The following OR6F1 variants were observed in gnomAD, a reference collection of about 807,000 sequenced individuals.
OR6F1 encodes olfactory receptor family 6 subfamily F member 1, also known as olfactory receptor 6F1.
For missense variants in OR6F1, 346 were observed against 376.0 expected, an observed-to-expected ratio of 0.92 and a Z score of 0.66; for synonymous variants, 144 against 150.0, an observed-to-expected ratio of 0.96 and a Z score of 0.29.
rs1660029399 is a variant in OR6F1 at position 247,712,598 on chromosome 1, T to C, written c.158A>G (p.His53Arg). 1 of 1,614,022 alleles carries C rather than the reference T, an allele frequency of 6.2e-7. No homozygotes were observed. The highest frequency in any genetic ancestry group is 8.5e-7 in the Non-Finnish European group (1 of 1,179,948). The change falls in exon 3 of 3, where the codon CAT (histidine) becomes CGT (arginine). Residue 53 changes from histidine to arginine, a missense_variant. Transcript: ENST00000641470. The stretch of plus-strand genomic sequence containing the variant: ...GAAGTACATGGGGGTATGCAACTGA[T>C]GGGAGGTGCTCACCAACATCAAGAT... ...VAILMLVSTS[H>R]QLHTPMYFFL...
Position 247,711,866 on chromosome 1 carries a change from A to G in OR6F1, c.890T>C (p.Val297Ala). 6.2e-7 allele frequency: 1 copy of G among 1,613,436 alleles called. No individual in the cohort carries two copies. Among genetic ancestry groups the G allele is most frequent in the Non-Finnish European group, 8.5e-7 (1 of 1,179,456 alleles). Reference protein sequence around the residue: ...PFIYTLRNKEVRETLLKKWKG... With the variant: ...PFIYTLRNKEARETLLKKWKG... Reference sequence around the variant, plus strand: ...CCATTTCTTCAGCAGAGTCTCTCTTACTTCCTTATTACGAAGCGTATAGAT... The same window carrying G: ...CCATTTCTTCAGCAGAGTCTCTCTTGCTTCCTTATTACGAAGCGTATAGAT... Residue 297 changes from valine (V) to alanine (A), a missense_variant, in exon 3 of 3, where the codon GTA becomes GCA. Coordinates refer to ENST00000641470, the MANE Select transcript of OR6F1 (RefSeq NM_001005286.2).
intron 2 of OR6F1, 69 bp from the exon 3 acceptor site, chr1:247,712,886 T>A (rs1182664643): frequency 1.7e-6 from 1 of 580,226 alleles, no homozygotes; most frequent in African/African-American, 1.9e-5. Context: ...GGAGATATGA[T>A]GTAACTTTCA....
chr1:247,712,246 G>C lies in OR6F1; in HGVS notation c.510C>G (p.Gly170=), dbSNP rs369946329. 6.2e-7 allele frequency: 1 copy of C among 1,614,198 alleles called. No homozygotes were observed. The highest frequency in any genetic ancestry group is 8.5e-7 in the Non-Finnish European group (1 of 1,180,024). ...TALISGLSFC[G]PRAINHFFCD... ...AGAAGAAGTGGTTGATGGCACGGGG[G>C]CCACAGAAGGACAGGCCACTGATGA... The change falls in exon 3 of 3, where the codon GGC becomes GGG. Residue 170 remains glycine, a synonymous_variant. Transcript: ENST00000641470.
rs964637341 is a variant in OR6F1 at position 247,712,332 on chromosome 1, C to T, written c.424G>A (p.Ala142Thr). 1 of 1,614,014 alleles carries T rather than the reference C, an allele frequency of 6.2e-7. No individual in the cohort carries two copies. Among genetic ancestry groups the T allele is most frequent in the Non-Finnish European group, 8.5e-7 (1 of 1,179,956 alleles). The change falls in exon 3 of 3, where the codon GCG becomes ACG. Residue 142 changes from alanine to threonine, a missense_variant. By Grantham distance (58) the Ala-to-Thr change is moderately conservative (BLOSUM62 0). Coordinates refer to ENST00000641470, the MANE Select transcript of OR6F1 (RefSeq NM_001005286.2). ...ACCCAGGAGCCCAGGGCCAGCTGCG[C>T]TGAGAGCAGGCTACTCATGATGGCT... ...YGAIMSSLLS[A>T]QLALGSWVCG...
In OR6F1 at chr1:247,712,072, G is replaced by A; in HGVS notation, c.684C>T (p.Ile228=). The change falls in exon 3 of 3, where the codon ATC becomes ATT. Residue 228 remains isoleucine (I), a synonymous_variant. Coordinates refer to ENST00000641470, the MANE Select transcript of OR6F1 (RefSeq NM_001005286.2). ...CTTTGCTCCGGCCACTGGCAGAGGGGATCCTGAGGATGGTGCTGATGATGT... is the reference window on the plus strand; with the variant it reads ...CTTTGCTCCGGCCACTGGCAGAGGGAATCCTGAGGATGGTGCTGATGATGT... ...YVYIISTILR[I]PSASGRSKAF... 6.2e-7 allele frequency: 1 copy of A among 1,614,196 alleles called. No individual in the cohort carries two copies. The highest frequency in any genetic ancestry group is 1.6e-4 in the Middle Eastern group (1 of 6,062).
rs776848829 is a variant in OR6F1, at chr1:247,712,312, G to C, written c.444C>G (p.Ser148=). 18 of 1,614,066 alleles carry C rather than the reference G, an allele frequency of 1.1e-5. No homozygotes were observed. Among genetic ancestry groups the C allele is most frequent in the Non-Finnish European group, 1.4e-5 (16 of 1,180,002 alleles). ...CAATGGCCACGAAACCACACACCCA[G>C]GAGCCCAGGGCCAGCTGCGCTGAGA... ...SLLSAQLALG[S]WVCGFVAIAV... Residue 148 remains serine (S), a synonymous_variant, in exon 3 of 3, where the codon TCC becomes TCG. Coordinates refer to ENST00000641470, the MANE Select transcript of OR6F1 (RefSeq NM_001005286.2).
chr1:247,716,463 T>G lies in OR6F1; in HGVS notation c.-259A>C, dbSNP rs1219240753. On this transcript the variant is annotated 5_prime_UTR_variant, in exon 1 of 3. Coordinates refer to ENST00000641470, the MANE Select transcript of OR6F1 (RefSeq NM_001005286.2). ...ATTGCAATTATTCCCTCTATATCTC[T>G]GTTTTTCTTTGATTATCTTGCTGTT... The G allele has an allele frequency of 6.6e-6, 1 of 152,228 alleles. No homozygotes were observed. Among genetic ancestry groups the G allele is most frequent in the Non-Finnish European group, 1.5e-5 (1 of 68,032 alleles). The allele number at this position is 152,228 out of a possible 1,614,324, so 9.4% of individuals were successfully genotyped here. A position where few individuals can be genotyped will look rare whatever the true frequency, so the allele number is the denominator to read the frequency against.
At chr1:247,714,762 C>G (rs1462416286) in intron 1 of OR6F1, among the ~76,000 whole-genome samples, 1 of 152,076 alleles carries the variant, frequency 6.6e-6, no homozygotes, top group East Asian at 1.9e-4. Flanking sequence ...ATAAGAAACA[C>G]AAAGAAAGGG....
rs370725401 is a variant in OR6F1, at chr1:247,711,801, A to G, written c.*28T>C. 2.7e-6 allele frequency: 4 copies of G among 1,460,130 alleles called. No individual in the cohort carries two copies. The African/African-American group carries it at 5.6e-5, about 20-fold the overall frequency. The allele number at this position is 1,460,130 out of a possible 1,614,324, so 90.4% of individuals were successfully genotyped here. A position where few individuals can be genotyped will look rare whatever the true frequency, so the allele number is the denominator to read the frequency against. On this transcript the variant is annotated 3_prime_UTR_variant, in exon 3 of 3. Coordinates refer to ENST00000641470, the MANE Select transcript of OR6F1 (RefSeq NM_001005286.2). ...CTCTGTATAGATGCAGAGACCATTT[A>G]CAGGACATCTGTTGTGGTAGAGGAG...
chr1:247,712,500 G>C lies in OR6F1; in HGVS notation c.256C>G (p.Leu86Val). The C allele has an allele frequency of 6.2e-7, 1 of 1,614,080 alleles. No homozygotes were observed. Among genetic ancestry groups the C allele is most frequent in the Non-Finnish European group, 8.5e-7 (1 of 1,179,892 alleles). ...AAVPKALAIL[L>V]GRSQTISFTS... ...AATGATATGGTCTGACTTCTCCCCA[G>C]TAGGATGGCCAGTGCTTTGGGCACT... Residue 86 changes from leucine (L) to valine (V), a missense_variant, in exon 3 of 3, where the codon CTG becomes GTG. Transcript: ENST00000641470.
chr1:247,716,098 C>A (rs1660099858), intron 1 of OR6F1, among the ~76,000 whole-genome samples: 1 of 151,878 alleles, frequency 6.6e-6, no homozygotes, highest in Admixed American at 6.6e-5. Flanking sequence ...ACTAAAAATA[C>A]AAAAATTAGC....
chr1:247,713,282 A>T (rs1660044511), intron 2 of OR6F1, among the ~76,000 whole-genome samples: 1 of 152,232 alleles, frequency 6.6e-6, no homozygotes, highest in Non-Finnish European at 1.5e-5. Flanking sequence ...TTCTAAATTG[A>T]TCTAATTCAT....
In OR6F1 at chr1:247,712,123, G is replaced by A. The variant is rs766330456; in HGVS notation, c.633C>T (p.Cys211=). The change falls in exon 3 of 3, where the codon TGC becomes TGT. Residue 211 remains cysteine (C), a synonymous_variant. Transcript: ENST00000641470. The part of the protein sequence containing the change: ...VIAVVVILSS[C]LITFVSYVYI... ...ACACATAGGAGACAAAGGTGATGAG[G>A]CATGAACTCAGGATAACCACAACAG... The A allele has an allele frequency of 1.2e-6, 2 of 1,614,234 alleles. No homozygotes were observed. Among genetic ancestry groups the A allele is most frequent in the Non-Finnish European group, 1.7e-6 (2 of 1,180,030 alleles).
In OR6F1 at chr1:247,713,893, C is replaced by T; in HGVS notation, c.-65G>A. 2.5e-6 allele frequency: 1 copy of T among 398,582 alleles called. No individual in the cohort carries two copies. Among genetic ancestry groups the T allele is most frequent in the Non-Finnish European group, 4.4e-6 (1 of 226,054 alleles). 24.7% of individuals were successfully genotyped at this position (398,582 alleles called of 1,614,324 possible). ...AACGGTGCATACATTGGCTTTACCTCATTGATGGCAGAAGGGGCTTCCAAG... is the reference window on the plus strand; with the variant it reads ...AACGGTGCATACATTGGCTTTACCTTATTGATGGCAGAAGGGGCTTCCAAG... On this transcript the variant is annotated splice_region_variant and 5_prime_UTR_variant, in exon 2 of 3. The change abolishes an upstream ATG in the 5' untranslated region. Transcript: ENST00000641470.
rs1233348408 is a variant in OR6F1 at position 247,711,769 on chromosome 1, T to C, written c.*60A>G. On this transcript the variant is annotated 3_prime_UTR_variant, in exon 3 of 3. Transcript: ENST00000641470. Reference sequence around the variant, plus strand: ...TTGCCCTATTCCTCCACATTCTTACTTGGAACCTCTGTATAGATGCAGAGA... The same window carrying C: ...TTGCCCTATTCCTCCACATTCTTACCTGGAACCTCTGTATAGATGCAGAGA... 1.8e-6 allele frequency: 2 copies of C among 1,116,632 alleles called. No homozygotes were observed. Among genetic ancestry groups the C allele is most frequent in the Admixed American group, 2.1e-5 (1 of 48,390 alleles). 69.2% of individuals were successfully genotyped at this position (1,116,632 alleles called of 1,614,324 possible). A position where few individuals can be genotyped will look rare whatever the true frequency, so the allele number is the denominator to read the frequency against.
chr1:247,713,963 A>G lies in OR6F1; in HGVS notation c.-126-9T>C, dbSNP rs1225734993. On this transcript the variant is annotated splice_polypyrimidine_tract_variant and intron_variant, in intron 1 of 2. Transcript: ENST00000641470. ...ATGGGCACATGAATCACCTAAGGGT[A>G]TTGCCAAAATGCAAATTTTGATTAA... The G allele has an allele frequency of 1.8e-5, 7 of 398,514 alleles. No individual in the cohort carries two copies. Among genetic ancestry groups the G allele is most frequent in the Non-Finnish European group, 3.1e-5 (7 of 226,076 alleles). The allele number at this position is 398,514 out of a possible 1,614,324, so 24.7% of individuals were successfully genotyped here.
rs1216254146 is a variant in OR6F1 at position 247,713,954 on chromosome 1, C to T, written c.-126G>A. On this transcript the variant is annotated splice_region_variant and 5_prime_UTR_variant, in exon 2 of 3. In the 5' UTR this introduces an upstream ATG that the reference lacks. Transcript: ENST00000641470. ...CAAGCTCTAATGGGCACATGAATCACCTAAGGGTATTGCCAAAATGCAAAT... is the reference window on the plus strand; with the variant it reads ...CAAGCTCTAATGGGCACATGAATCATCTAAGGGTATTGCCAAAATGCAAAT... 2 of 398,460 alleles carry T rather than the reference C, an allele frequency of 5.0e-6. No homozygotes were observed. The highest frequency in any genetic ancestry group is 7.1e-5 in the East Asian group (2 of 28,088). The allele number at this position is 398,460 out of a possible 1,614,324, so 24.7% of individuals were successfully genotyped here.
At chr1:247,714,525 C>T (rs1299279289) in intron 1 of OR6F1, among the ~76,000 whole-genome samples, 1 of 152,100 alleles carries the variant, frequency 6.6e-6, no homozygotes, top group Admixed American at 6.5e-5. Context: ...ATTACTCATC[C>T]CTGAATTCTC....
rs1660032879 is a variant in OR6F1, at chr1:247,712,722, A to G, written c.34T>C (p.Phe12Leu). ...DTGNKTLPQDFLLLGFPGSQT... is the reference protein window; with the variant it reads ...DTGNKTLPQDLLLLGFPGSQT... ...GAACCAGGAAAGCCCAGTAAGAGAAAGTCCTGGGGCAGAGTTTTGTTGCCT... is the reference window on the plus strand; with the variant it reads ...GAACCAGGAAAGCCCAGTAAGAGAAGGTCCTGGGGCAGAGTTTTGTTGCCT... The change falls in exon 3 of 3, where the codon TTT becomes CTT. Residue 12 changes from phenylalanine (F) to leucine (L), a missense_variant. Physicochemically the swap from Phe to Leu is conservative, Grantham distance 22. Coordinates refer to ENST00000641470, the MANE Select transcript of OR6F1 (RefSeq NM_001005286.2). 1 of 1,596,026 alleles carries G rather than the reference A, an allele frequency of 6.3e-7. No individual in the cohort carries two copies. The highest frequency in any genetic ancestry group is 8.5e-7 in the Non-Finnish European group (1 of 1,170,146).
Sources: allele counts gnomAD v4.1 joint callset (sites outside exome capture counted in the v4.1 genomes callset), GRCh38; gene constraint gnomAD v4.1.1; transcripts MANE v1.5; gene names NCBI Gene and HGNC (gene_info 2026-07-23, HGNC 2026-07-21).